Variants in COLQ observed in about 807,000 individuals in gnomAD.
The protein encoded by COLQ is acetylcholinesterase collagenic tail peptide.
A neutral mutation model predicts 69.0 loss-of-function variants in COLQ; 48 were observed. The observed-to-expected ratio is 0.70, with a 90% CI of 0.55 to 0.88. COLQ has a LOEUF of 0.88. Ranked by LOEUF, COLQ falls within the 40% of genes least tolerant of loss-of-function variation. The pLI is 0.00. For missense variants in COLQ, 618 were observed against 594.6 expected (o/e 1.04, Z -0.41); for synonymous variants, 217 against 211.2 (o/e 1.03, Z -0.24).
chr3:15,479,286 ACAG>A, intron 4 of COLQ, 49 bp downstream of exon 4: 1 of 1,576,844 alleles, frequency 6.3e-7, no homozygotes, highest in Non-Finnish European at 8.7e-7. Flanking sequence ...TGCCCAGAAA[ACAG>A]GCTGGAATTG....
intron 16 of COLQ, 60 bp from the exon 17 acceptor site, chr3:15,451,773 C>T (rs1575458765): frequency 7.0e-7 from 1 of 1,433,344 alleles, no homozygotes. Context: ...GACTTCCGGT[C>T]AAACCTTATC....
chr3:15,481,376 G>A (rs984074308), intron 3 of COLQ, among the ~76,000 whole-genome samples: 1 of 151,546 alleles, frequency 6.6e-6, no homozygotes, highest in African/African-American at 2.4e-5. Context: ...GAATTAATAA[G>A]GTATTAATCT....
intron 4 of COLQ, 52 bp downstream of exon 4, chr3:15,479,286 A>G: frequency 6.3e-7 from 1 of 1,576,844 alleles, no homozygotes; most frequent in Non-Finnish European, 8.7e-7. Context: ...TGCCCAGAAA[A>G]CAGGCTGGAA....
At chr3:15,455,534 T>G (rs1403223339) in intron 15 of COLQ, among the ~76,000 whole-genome samples, 18 of 152,214 alleles carry the variant, frequency 1.2e-4, no homozygotes, top group Non-Finnish European at 1.8e-4. Flanking sequence ...CTCTCCCTTT[T>G]GCCTTTCACT....
At chr3:15,476,266 T>C (rs1425718707) in intron 6 of COLQ, among the ~76,000 whole-genome samples, 1 of 152,246 alleles carries the variant, frequency 6.6e-6, no homozygotes, top group African/African-American at 2.4e-5. Context: ...GATTCATGCA[T>C]TCAAGTTGCT....
chr3:15,490,189 A>T (rs752083064), intron 1 of COLQ, among the ~76,000 whole-genome samples: 4 of 152,238 alleles, frequency 2.6e-5, no homozygotes, highest in Non-Finnish European at 5.9e-5. Flanking sequence ...ATATATGGGT[A>T]GCCTAATCTG....
At chr3:15,509,547 GTGT>G (rs755109552) in intron 1 of COLQ, among the ~76,000 whole-genome samples, 10 of 152,210 alleles carry the variant, frequency 6.6e-5, no homozygotes, top group Non-Finnish European at 1.5e-4. Flanking sequence ...AATGGCTAAG[GTGT>G]TGTTATCAGG....
chr3:15,503,944 G>A (rs531054306), intron 1 of COLQ, among the ~76,000 whole-genome samples: 1 of 152,250 alleles, frequency 6.6e-6, no homozygotes, highest in African/African-American at 2.4e-5. Flanking sequence ...CCAACGCCCA[G>A]AATCACGTCT....
chr3:15,520,708 A>C (rs1391626514), intron 1 of COLQ, among the ~76,000 whole-genome samples: 1 of 152,132 alleles, frequency 6.6e-6, no homozygotes, highest in African/African-American at 2.4e-5. Flanking sequence ...CATACTAGTA[A>C]CCGAATACTT....
chr3:15,478,929 T>G (rs768694041), intron 5 of COLQ, 48 bp downstream of exon 5: 1 of 1,613,228 alleles, frequency 6.2e-7, no homozygotes, highest in South Asian at 1.1e-5. Context: ...TGCACACACA[T>G]GAAGCACAGA....
At chr3:15,494,939 C>T (rs1032241982) in intron 1 of COLQ, among the ~76,000 whole-genome samples, 5 of 152,210 alleles carry the variant, frequency 3.3e-5, no homozygotes, top group Non-Finnish European at 7.3e-5. Context: ...CTAATCCTCA[C>T]AGCAACCCTA....
rs373049138 is a variant in COLQ at position 15,514,695 on chromosome 3, G to C, written c.106+6825C>G. On this transcript the variant is annotated intron_variant, in intron 1 of 16. Coordinates refer to ENST00000383788, the MANE Select transcript of COLQ (RefSeq NM_005677.4). ...GATTCTAGGCAGATGCAGAAGAAGG[G>C]GAAGGCAGAGGCCAAGCCAGCAGGG... 8.5e-5 allele frequency among the ~76,000 whole-genome samples: 13 copies of C among 152,270 alleles called. No homozygotes were observed. In the East Asian group the frequency reaches 1.7e-3, roughly 20 times the overall value.
rs993225440 is a variant in COLQ at position 15,477,159 on chromosome 3, C to T, written c.432G>A (p.Gly144=). ...CTTCAGGGCCTGGCCAACCGATGGGCCCAGGCATGCCAGGAACACCTGGGG... is the reference window on the plus strand; with the variant it reads ...CTTCAGGGCCTGGCCAACCGATGGGTCCAGGCATGCCAGGAACACCTGGGG... ...PGPPGVPGMP[G]PIGWPGPEGP... is the part of the protein sequence containing the mutation. The change falls in exon 6 of 17, where the codon GGG becomes GGA. Residue 144 remains glycine (G), a synonymous_variant. Transcript: ENST00000383788. 4 of 1,607,034 alleles carry T rather than the reference C, an allele frequency of 2.5e-6. No homozygotes were observed. The East Asian group carries it at 6.7e-5, about 27-fold the overall frequency.
chr3:15,474,889 C>T lies in COLQ; in HGVS notation c.555+36G>A, dbSNP rs200648762. The stretch of plus-strand genomic sequence containing the variant: ...CTGATTCCAGAGCCAGTAGCCCAGA[C>T]CAGGCTCTAGGACACCATCCAAGAA... On this transcript the variant is annotated intron_variant, in intron 8 of 16. Coordinates refer to ENST00000383788, the MANE Select transcript of COLQ (RefSeq NM_005677.4). 911 of 1,612,494 alleles carry T rather than the reference C, an allele frequency of 5.6e-4. 17 individuals are homozygous for T. In the South Asian group the frequency reaches 9.0e-3, roughly 16 times the overall value.
At chr3:15,486,875 T>G (rs2062583759) in intron 3 of COLQ, among the ~76,000 whole-genome samples, 1 of 152,228 alleles carries the variant, frequency 6.6e-6, no homozygotes, top group East Asian at 1.9e-4. Flanking sequence ...GGCTACATTG[T>G]CAATATCTTA....
chr3:15,487,649 A>G (rs2062595995), intron 3 of COLQ, among the ~76,000 whole-genome samples: 1 of 152,360 alleles, frequency 6.6e-6, no homozygotes, highest in Admixed American at 6.5e-5. Context: ...CAGAGGGGCC[A>G]GGACTCTGTG....
intron 3 of COLQ, among the ~76,000 whole-genome samples, chr3:15,484,069 A>G (rs1263923479): frequency 1.3e-5 from 2 of 152,066 alleles, no homozygotes; most frequent in Non-Finnish European, 2.9e-5. Context: ...TTTGCTTGGT[A>G]GATTTTCCTC....
At chr3:15,482,463 A>G (rs1363202097) in intron 3 of COLQ, among the ~76,000 whole-genome samples, 2 of 152,168 alleles carry the variant, frequency 1.3e-5, no homozygotes, top group African/African-American at 4.8e-5. Flanking sequence ...ATCTATTGAG[A>G]TAATTATGTG....
At chr3:15,459,422 C>G (rs2062073095) in intron 12 of COLQ, among the ~76,000 whole-genome samples, 1 of 151,740 alleles carries the variant, frequency 6.6e-6, no homozygotes, top group African/African-American at 2.4e-5. Flanking sequence ...AGGCAGCATC[C>G]ACACTTTTAT....
Sources: allele counts gnomAD v4.1 joint callset (sites outside exome capture counted in the v4.1 genomes callset), GRCh38; gene constraint gnomAD v4.1.1; transcripts MANE v1.5; gene names NCBI Gene and HGNC (gene_info 2026-07-23, HGNC 2026-07-21).